Variants in SDC2 observed in about 807,000 individuals in gnomAD.
SDC2 encodes syndecan 2.
A neutral mutation model predicts 22.2 loss-of-function variants in SDC2; 13 were observed. The ratio of observed to expected loss-of-function variants is 0.59; its 90% CI spans 0.38 to 0.93. The LOEUF is 0.93. Ranked by LOEUF, SDC2 falls within the 40% of genes least tolerant of loss-of-function variation. The probability of loss-of-function intolerance (pLI) is 0.00; values close to 1 mark genes in which losing one functional copy is unlikely to be tolerated. For synonymous variants in SDC2, 94 were observed against 92.8 expected, an observed-to-expected ratio of 1.01 and a Z score of -0.07; for missense variants, 235 against 246.8, an observed-to-expected ratio of 0.95 and a Z score of 0.32.
chr8:96,563,834 G>GCC (rs1814251016), intron 1 of SDC2, among the ~76,000 whole-genome samples: 1 of 152,150 alleles, frequency 6.6e-6, no homozygotes. Flanking sequence ...CAGCTGACAG[G>GCC]CCCTTTGTCC....
chr8:96,569,239 C>T (rs2130578726), intron 1 of SDC2, among the ~76,000 whole-genome samples: 1 of 152,320 alleles, frequency 6.6e-6, no homozygotes, highest in Admixed American at 6.5e-5. Flanking sequence ...GAACTCCCGG[C>T]CTCGAGCCAT....
chr8:96,530,144 C>T (rs921211565), intron 1 of SDC2, among the ~76,000 whole-genome samples: 9 of 152,166 alleles, frequency 5.9e-5, no homozygotes, highest in African/African-American at 2.2e-4. Flanking sequence ...GGTTACTTTT[C>T]ATTGACTCCT....
At chr8:96,533,502 G>C (rs1034869322) in intron 1 of SDC2, among the ~76,000 whole-genome samples, 7 of 152,198 alleles carry the variant, frequency 4.6e-5, no homozygotes, top group African/African-American at 1.7e-4. Context: ...ACAGGGTGCT[G>C]ATTGGTGTAT....
At position 96,524,279 on chromosome 8, in the gene SDC2, C is replaced by A. The variant is rs188935472; in HGVS notation, c.60+29948C>A. ...ACATTCTTTTCATGAGATTTAACTT[C>A]TTAACGTGCACATACATCACTCTGG... On this transcript the variant is annotated intron_variant, in intron 1 of 4. Coordinates refer to ENST00000302190, the MANE Select transcript of SDC2 (RefSeq NM_002998.4). 5.3e-5 allele frequency among the ~76,000 whole-genome samples: 8 copies of A among 152,272 alleles called. No individual in the cohort carries two copies. The East Asian group carries it at 1.5e-3, about 29-fold the overall frequency.
intron 1 of SDC2, among the ~76,000 whole-genome samples, chr8:96,541,506 A>T (rs1301013617): frequency 1.5e-4 from 2 of 13,040 alleles, no homozygotes; most frequent in Admixed American, 2.9e-3. Flanking sequence ...CCCATCTCAA[A>T]AAAAAAAAAA....
At chr8:96,533,758 A>G (rs1211399127) in intron 1 of SDC2, among the ~76,000 whole-genome samples, 1 of 152,114 alleles carries the variant, frequency 6.6e-6, no homozygotes, top group African/African-American at 2.4e-5. Context: ...AGTCCCCACT[A>G]GACTCAGGAG....
chr8:96,592,506 T>G lies in SDC2; in HGVS notation c.61-974T>G, dbSNP rs548288857. 1.8e-3 allele frequency among the ~76,000 whole-genome samples: 271 copies of G among 152,348 alleles called. 1 individual carries two copies. The highest frequency in any genetic ancestry group is 6.2e-3 in the African/African-American group (259 of 41,590). ...GTTTAAAAGCTGCCTGTCTGCTTTA[T>G]TATTTTTTTCCTGGGCTTTTGCGAG... On this transcript the variant is annotated intron_variant, in intron 1 of 4. Coordinates refer to ENST00000302190, the MANE Select transcript of SDC2 (RefSeq NM_002998.4).
At chr8:96,509,529 A>T (rs1813297948) in intron 1 of SDC2, among the ~76,000 whole-genome samples, 1 of 141,580 alleles carries the variant, frequency 7.1e-6, no homozygotes, top group African/African-American at 2.5e-5. Context: ...AGTGGAGGGC[A>T]TATTCTCCAT....
intron 1 of SDC2, among the ~76,000 whole-genome samples, chr8:96,500,716 T>G (rs1813148705): frequency 6.6e-6 from 1 of 150,982 alleles, no homozygotes; most frequent in Non-Finnish European, 1.5e-5. Flanking sequence ...CTTTTAGCCA[T>G]TGGGCTTTAG....
chr8:96,576,696 G>A (rs1400203553), intron 1 of SDC2, among the ~76,000 whole-genome samples: 1 of 151,404 alleles, frequency 6.6e-6, no homozygotes, highest in African/African-American at 2.4e-5. Flanking sequence ...TGGGATTACA[G>A]GCGTGAGCCA....
intron 1 of SDC2, among the ~76,000 whole-genome samples, chr8:96,548,977 C>G (rs752078455): frequency 6.6e-6 from 1 of 152,126 alleles, no homozygotes; most frequent in Non-Finnish European, 1.5e-5. Flanking sequence ...ATATTCAGTG[C>G]GATTTTGCAG....
chr8:96,546,039 G>A (rs2582839), intron 1 of SDC2, among the ~76,000 whole-genome samples: 85,932 of 152,124 alleles, frequency 0.56, 26,958 homozygotes, highest in Non-Finnish European at 0.72. Context: ...GGTATAGACC[G>A]CTGACAAAGG....
intron 1 of SDC2, among the ~76,000 whole-genome samples, chr8:96,507,901 C>T (rs939305997): frequency 5.7e-4 from 87 of 152,048 alleles, no homozygotes; most frequent in Non-Finnish European, 1.0e-3. Flanking sequence ...TGGTGGCTCA[C>T]GCCTGTAATC....
chr8:96,530,834 CA>C lies in SDC2; in HGVS notation c.60+36504del, dbSNP rs749459930. 2.3e-4 allele frequency among the ~76,000 whole-genome samples: 35 copies of C among 152,212 alleles called. 1 individual carries two copies. Among genetic ancestry groups the C allele is most frequent in the Non-Finnish European group, 4.7e-4 (32 of 68,044 alleles). ...GAACCACATAACAGTTGGCCATGGGCAGTATCTCAGGAAGCCTTAAAATCTC... is the reference window on the plus strand; with the variant it reads ...GAACCACATAACAGTTGGCCATGGGCGTATCTCAGGAAGCCTTAAAATCTC... On this transcript the variant is annotated intron_variant, in intron 1 of 4. Coordinates refer to ENST00000302190, the MANE Select transcript of SDC2 (RefSeq NM_002998.4).
intron 1 of SDC2, among the ~76,000 whole-genome samples, chr8:96,555,028 C>T (rs1202271533): frequency 3.3e-5 from 5 of 152,024 alleles, no homozygotes; most frequent in African/African-American, 1.2e-4. Flanking sequence ...TCAGCGCTTC[C>T]TCCCACCTTC....
At chr8:96,538,517 AT>A (rs34226757) in intron 1 of SDC2, among the ~76,000 whole-genome samples, 87,018 of 151,744 alleles carry the variant, frequency 0.57, 26,603 homozygotes, top group Non-Finnish European at 0.7. Context: ...ATATAGAGGT[AT>A]TTTTTTTTCC....
chr8:96,576,334 A>T, intron 1 of SDC2, among the ~76,000 whole-genome samples: 1 of 142,914 alleles, frequency 7.0e-6, no homozygotes, highest in African/African-American at 2.7e-5. Flanking sequence ...GCATAGGACA[A>T]TATTCTCCAC....
chr8:96,501,817 T>G (rs961789156), intron 1 of SDC2, among the ~76,000 whole-genome samples: 1 of 152,178 alleles, frequency 6.6e-6, no homozygotes, highest in Non-Finnish European at 1.5e-5. Context: ...TTCTGCACTT[T>G]AGGGTGTGGT....
intron 3 of SDC2, among the ~76,000 whole-genome samples, chr8:96,603,919 G>C (rs983517717): frequency 6.6e-6 from 1 of 152,186 alleles, no homozygotes. Context: ...AAAAGCTACT[G>C]TATCAATGTT....
Sources: allele counts gnomAD v4.1 joint callset (sites outside exome capture counted in the v4.1 genomes callset), GRCh38; gene constraint gnomAD v4.1.1; transcripts MANE v1.5; gene names NCBI Gene and HGNC (gene_info 2026-07-23, HGNC 2026-07-21).